PDK3: variants seen among roughly 807,000 people sequenced by gnomAD.
The protein encoded by PDK3 is pyruvate dehydrogenase kinase, isozyme 3.
A neutral mutation model predicts 32.0 loss-of-function variants in PDK3; 12 were observed. That is an observed-to-expected ratio of 0.37 (90% confidence interval 0.24 to 0.61). The LOEUF (loss-of-function observed/expected upper bound fraction) is 0.61, where lower values mean the gene tolerates loss of function less well. Ranked by LOEUF, PDK3 falls within the 20% of genes least tolerant of loss-of-function variation. PDK3 has a pLI of 0.65. For synonymous variants in PDK3, 122 were observed against 116.3 expected (o/e 1.05, Z -0.31); for missense variants, 188 against 316.9 (o/e 0.59, Z 3.09).
chrX:24,521,715 G>A (rs187678032), intron 6 of PDK3, among the ~76,000 whole-genome samples: 24 of 111,631 alleles, frequency 2.1e-4, no homozygotes, highest in African/African-American at 7.5e-4. Context: ...TTCTGTCCCC[G>A]CTGAGGCTGT....
intron 9 of PDK3, among the ~76,000 whole-genome samples, chrX:24,531,355 C>A (rs190914603): frequency 9.0e-6 from 1 of 111,682 alleles, no homozygotes; most frequent in Admixed American, 9.5e-5. Context: ...CCACTGTGCC[C>A]GGCCTTGGAA....
At chrX:24,505,935 C>T (rs185417102) in intron 5 of PDK3, among the ~76,000 whole-genome samples, 85 of 111,694 alleles carry the variant, frequency 7.6e-4, no homozygotes, top group African/African-American at 2.5e-3. Flanking sequence ...TTCATTGTTA[C>T]GGTTACTTTG....
At chrX:24,479,550 G>A (rs772540759) in intron 1 of PDK3, among the ~76,000 whole-genome samples, 8 of 111,378 alleles carry the variant, frequency 7.2e-5, no homozygotes, top group African/African-American at 1.3e-4. Context: ...TTGGGAGGCC[G>A]AGGCAGGCAG....
intron 1 of PDK3, among the ~76,000 whole-genome samples, chrX:24,482,365 C>T (rs1184405475): frequency 2.7e-5 from 3 of 111,484 alleles, no homozygotes; most frequent in Admixed American, 9.5e-5. Context: ...CCCATCACCA[C>T]GCCTGGCTAA....
intron 7 of PDK3, among the ~76,000 whole-genome samples, 157 bp downstream of exon 7, chrX:24,526,431 CTG>C (rs1922525363): frequency 2.7e-5 from 3 of 112,128 alleles, no homozygotes; most frequent in Non-Finnish European, 5.6e-5. Flanking sequence ...AATTTGTACA[CTG>C]TGAGATGAGA....
At chrX:24,548,852 G>A (rs1174363107) in exon 12 of PDK3, 2 of 111,922 alleles carry the variant, frequency 1.8e-5, no homozygotes, top group Non-Finnish European at 3.8e-5. Context: ...CCATTGAGCC[G>A]TGCTAAATGT....
intron 8 of PDK3, 42 bp downstream of exon 8, chrX:24,527,717 G>T (rs1372770328): frequency 2.3e-5 from 17 of 735,067 alleles, no homozygotes; most frequent in Non-Finnish European, 3.5e-5. Flanking sequence ...TATCAGTTGT[G>T]ATTTAATAGT....
chrX:24,467,774 C>A (rs1291241753), intron 1 of PDK3, among the ~76,000 whole-genome samples: 1 of 111,802 alleles, frequency 8.9e-6, no homozygotes, highest in Non-Finnish European at 1.9e-5. Flanking sequence ...GAAGAGGCTT[C>A]ATGCCCCTGT....
intron 4 of PDK3, 109 bp downstream of exon 4, chrX:24,503,620 C>A: frequency 1.8e-6 from 1 of 545,384 alleles, no homozygotes; most frequent in Non-Finnish European, 2.8e-6. Context: ...GTAGAAATTT[C>A]ATTTCTAGTT....
At chrX:24,530,224 C>T (rs762906004) in intron 9 of PDK3, among the ~76,000 whole-genome samples, 3 of 111,562 alleles carry the variant, frequency 2.7e-5, no homozygotes, top group African/African-American at 9.8e-5. Flanking sequence ...TTCAGCAAGT[C>T]CCAAAGCCCT....
intron 6 of PDK3, among the ~76,000 whole-genome samples, chrX:24,523,372 A>C (rs1922444501): frequency 8.9e-6 from 1 of 112,596 alleles, no homozygotes; most frequent in Admixed American, 9.4e-5. Flanking sequence ...AAGAGGCATG[A>C]ATCCCAACTT....
chrX:24,543,144 C>T (rs1247919557), exon 12 of PDK3, among the ~76,000 whole-genome samples: 1 of 112,077 alleles, frequency 8.9e-6, no homozygotes, highest in Non-Finnish European at 1.9e-5. Context: ...TTGTCTGTTG[C>T]CTTTTTCTGG....
chrX:24,531,211 T>C (rs1411846419), intron 9 of PDK3, among the ~76,000 whole-genome samples: 2 of 110,225 alleles, frequency 1.8e-5, no homozygotes, highest in African/African-American at 3.3e-5. Flanking sequence ...GACTACAGTC[T>C]CCCACCACCT....
chrX:24,520,179 T>G (rs1922362848), intron 6 of PDK3, among the ~76,000 whole-genome samples: 1 of 111,751 alleles, frequency 8.9e-6, no homozygotes, highest in Non-Finnish European at 1.9e-5. Flanking sequence ...GGCAATAGTT[T>G]GAAACCCCAT....
At position 24,500,999 on chromosome X, in the gene PDK3, T is replaced by A. The variant is rs1319005075; in HGVS notation, c.320+2099T>A. Among the ~76,000 whole-genome samples the A allele has an allele frequency of 4.5e-5, 5 of 111,950 alleles. No individual in the cohort carries two copies. The Admixed American group carries it at 4.7e-4, about 11-fold the overall frequency. On this transcript the variant is annotated intron_variant, in intron 3 of 10. Transcript: ENST00000379162. ...AAGGACAAATTGTCTATTATAAAATTTTTTGTGAATGACGATGGCCTAATT... is the reference window on the plus strand; with the variant it reads ...AAGGACAAATTGTCTATTATAAAATATTTTGTGAATGACGATGGCCTAATT...
intron 1 of PDK3, among the ~76,000 whole-genome samples, chrX:24,479,295 G>T (rs2148182109): frequency 8.9e-6 from 1 of 112,265 alleles, no homozygotes; most frequent in African/African-American, 3.2e-5. Flanking sequence ...ATTTGTAATA[G>T]ACTCTTCTGG....
chrX:24,537,344 G>T (rs1376838735), downstream of PDK3, among the ~76,000 whole-genome samples: 2 of 99,916 alleles, frequency 2.0e-5, no homozygotes, highest in Non-Finnish European at 4.0e-5. Context: ...TGTTGGCCAG[G>T]CTGGTCTCGA....
chrX:24,549,387 C>T (rs1006270993), exon 12 of PDK3: 7 of 111,768 alleles, frequency 6.3e-5, no homozygotes, highest in African/African-American at 2.3e-4. Context: ...TAAAAATTAC[C>T]AAGTGTATCT....
intron 3 of PDK3, among the ~76,000 whole-genome samples, chrX:24,502,833 G>A (rs1413324808): frequency 3.6e-5 from 4 of 111,838 alleles, no homozygotes; most frequent in South Asian, 3.7e-4. Flanking sequence ...GACAGAGTGA[G>A]ACTCCGTCAA....
Sources: allele counts gnomAD v4.1 joint callset (sites outside exome capture counted in the v4.1 genomes callset), GRCh38; gene constraint gnomAD v4.1.1; transcripts MANE v1.5; gene names NCBI Gene and HGNC (gene_info 2026-07-23, HGNC 2026-07-21).